Variants in ZBTB46 observed in about 807,000 individuals in gnomAD.
ZBTB46 encodes the protein zinc finger and BTB domain containing 46.
ZBTB46 carries 8 observed loss-of-function variants against 44.1 expected under a neutral mutation model. The ratio of observed to expected loss-of-function variants is 0.18; its 90% confidence interval spans 0.11 to 0.33. The LOEUF (loss-of-function observed/expected upper bound fraction) is 0.33, where lower values mean the gene tolerates loss of function less well. ZBTB46 is among the 10% of genes least tolerant of loss of function. The pLI is 1.00. For synonymous variants in ZBTB46, 409 were observed against 382.3 expected (o/e 1.07, Z -0.81); for missense variants, 651 against 847.7 (o/e 0.77, Z 2.88).
intron 1 of ZBTB46, among the ~76,000 whole-genome samples, chr20:63,817,452 G>A (rs901105878): frequency 9.2e-5 from 14 of 151,824 alleles, no homozygotes; most frequent in African/African-American, 3.4e-4. Flanking sequence ...CAGTGGCTCA[G>A]GCTTGTAATC....
intron 2 of ZBTB46, 40 bp from the exon 3 acceptor site, chr20:63,776,002 T>C: frequency 6.7e-7 from 1 of 1,503,196 alleles, no homozygotes; most frequent in Non-Finnish European, 8.8e-7. Context: ...CACGGGTCGT[T>C]CCCAGACTCT....
rs748478138 is a variant in ZBTB46, at chr20:63,790,241, G to C, written c.517C>G (p.Arg173Gly). 2 of 1,610,924 alleles carry C rather than the reference G, an allele frequency of 1.2e-6. No individual in the cohort carries two copies. Among genetic ancestry groups the C allele is most frequent in the Non-Finnish European group, 1.7e-6 (2 of 1,178,936 alleles). Residue 173 changes from arginine (R) to glycine (G), a missense_variant, in exon 2 of 5, where the codon CGG becomes GGG. Coordinates refer to ENST00000245663, the MANE Select transcript of ZBTB46 (RefSeq NM_001369741.1). ...GAAGAATTGGCAGGACTCGTTCGCC[G>C]TGCCAGCCACGGGGAGATGCTCCTC... ...AGRSISPWLA[R>G]RTSPANSSGD...
chr20:63,824,153 C>T (rs571063915), intron 1 of ZBTB46, among the ~76,000 whole-genome samples: 2 of 151,986 alleles, frequency 1.3e-5, no homozygotes, highest in African/African-American at 4.8e-5. Context: ...GTTGAGCAGC[C>T]GGCCTCCCTG....
At chr20:63,769,141 G>A (rs777901222) in intron 3 of ZBTB46, 131 of 972,738 alleles carry the variant, frequency 1.3e-4, no homozygotes, top group Non-Finnish European at 1.4e-4. Context: ...CCTCGGAGGT[G>A]CCCGGGCTCA....
chr20:63,801,542 A>G (rs541385418), intron 1 of ZBTB46, among the ~76,000 whole-genome samples: 2 of 152,292 alleles, frequency 1.3e-5, no homozygotes, highest in Admixed American at 1.3e-4. Flanking sequence ...ATACATTGAA[A>G]GTGTTGTTCT....
intron 1 of ZBTB46, among the ~76,000 whole-genome samples, chr20:63,806,549 A>G (rs962834345): frequency 6.6e-6 from 1 of 152,198 alleles, no homozygotes; most frequent in Non-Finnish European, 1.5e-5. Flanking sequence ...GAACCTAAAT[A>G]AGAAGGTTGT....
intron 1 of ZBTB46, among the ~76,000 whole-genome samples, chr20:63,813,459 AT>A (rs200824537): frequency 1.0e-4 from 15 of 147,700 alleles, no homozygotes; most frequent in South Asian, 2.2e-4. Context: ...AAAAAAAAAA[AT>A]AAATAAATAA....
chr20:63,790,991 T>C, intron 1 of ZBTB46: 2 of 673,924 alleles, frequency 3.0e-6, no homozygotes, highest in Non-Finnish European at 4.7e-6. Flanking sequence ...AGGGCACCAG[T>C]GCGTCCAGGG....
rs368439745 is a variant in ZBTB46 at position 63,777,089 on chromosome 20, G to A, written c.938-1127C>T. 1.9e-4 allele frequency among the ~76,000 whole-genome samples: 6 copies of A among 31,264 alleles called. No individual in the cohort carries two copies. The East Asian group carries it at 2.7e-3, about 14-fold the overall frequency. 20.5% of individuals were successfully genotyped at this position (31,264 alleles called of 152,430 possible). A position where few individuals can be genotyped will look rare whatever the true frequency, so the allele number is the denominator to read the frequency against. ...AGCACACGCCACGGTTCCACCACAC[G>A]CCACGGTTCCAGCACACGCCACGGT... On this transcript the variant is annotated intron_variant, in intron 2 of 4. Transcript: ENST00000245663.
intron 1 of ZBTB46, among the ~76,000 whole-genome samples, chr20:63,794,961 C>T (rs1003689466): frequency 2.0e-5 from 3 of 151,542 alleles, no homozygotes; most frequent in Non-Finnish European, 4.4e-5. Context: ...CGAGGTGCCC[C>T]TTCAGAGAGG....
intron 3 of ZBTB46, among the ~76,000 whole-genome samples, chr20:63,765,236 T>C (rs1350052813): frequency 6.6e-6 from 1 of 152,112 alleles, no homozygotes. Flanking sequence ...TCCCGGCTCC[T>C]CTGGCTGCCC....
chr20:63,826,967 G>A (rs927463018), intron 1 of ZBTB46, among the ~76,000 whole-genome samples: 4 of 152,140 alleles, frequency 2.6e-5, no homozygotes, highest in Admixed American at 6.5e-5. Context: ...CACCAGGACC[G>A]GATGACTGCC....
chr20:63,753,510 TGG>T (rs1325695199), intron 3 of ZBTB46, among the ~76,000 whole-genome samples: 3 of 152,134 alleles, frequency 2.0e-5, no homozygotes, highest in Non-Finnish European at 4.4e-5. Flanking sequence ...CTCAAAAACC[TGG>T]GGGACCCTCA....
chr20:63,796,136 T>A (rs1228133846), intron 1 of ZBTB46, among the ~76,000 whole-genome samples: 1 of 152,196 alleles, frequency 6.6e-6, no homozygotes, highest in African/African-American at 2.4e-5. Context: ...AAGTATTAAT[T>A]TAGGGGGCAG....
At position 63,774,427 on chromosome 20, in the gene ZBTB46, C is replaced by T. The variant is rs189493483; in HGVS notation, c.1222+1251G>A. 1.3e-3 allele frequency among the ~76,000 whole-genome samples: 199 copies of T among 152,360 alleles called. 1 individual carries two copies. The highest frequency in any genetic ancestry group is 1.0e-4 in the Non-Finnish European group (7 of 68,030). On this transcript the variant is annotated intron_variant, in intron 3 of 4. Transcript: ENST00000245663. ...ATCCCAGCATCAAGGACAGCTGGCA[C>T]GTTTCCTTCCTTCACTTCCCTCAAT...
chr20:63,815,994 G>A (rs2092752937), intron 1 of ZBTB46, among the ~76,000 whole-genome samples: 1 of 145,272 alleles, frequency 6.9e-6, no homozygotes, highest in Admixed American at 6.8e-5. Context: ...CAGGTGCAGT[G>A]GGCACAGGTG....
At chr20:63,831,869 C>A (rs952130114), upstream of ZBTB46, among the ~76,000 whole-genome samples, 1 of 151,798 alleles carries the variant, frequency 6.6e-6, no homozygotes, top group Non-Finnish European at 1.5e-5. Context: ...GCGGGCCGCT[C>A]GCGGTGCGGA....
Position 63,789,923 on chromosome 20 carries a change from C to T in ZBTB46, c.835G>A (p.Val279Ile), listed in dbSNP as rs368151567. The T allele has an allele frequency of 1.4e-5, 22 of 1,613,944 alleles. No homozygotes were observed. Among genetic ancestry groups the T allele is most frequent in the East Asian group, 4.5e-5 (2 of 44,902 alleles). Residue 279 changes from valine to isoleucine, a missense_variant, in exon 2 of 5, where the codon GTC becomes ATC. Transcript: ENST00000245663. ...TCCACCTGCTGTGTGATGTGCCGGA[C>T]GGTCTCTTTGTTTTTCCGATTCTTC... ...RRKNRKNKET[V>I]RHITQQVEDD...
intron 1 of ZBTB46, among the ~76,000 whole-genome samples, chr20:63,804,409 A>C (rs2092668538): frequency 6.6e-6 from 1 of 152,132 alleles, no homozygotes; most frequent in Non-Finnish European, 1.5e-5. Flanking sequence ...GAATCACAAC[A>C]GCAGTCCTGA....
Sources: gnomAD v4.1 joint callset for allele counts (sites outside exome capture counted in the v4.1 genomes callset) on GRCh38, gnomAD v4.1.1 for gene constraint, MANE v1.5 for transcripts, NCBI Gene and HGNC (gene_info 2026-07-23, HGNC 2026-07-21) for gene names.